RMND5B: variants seen among roughly 807,000 people sequenced by gnomAD.
RMND5B encodes required for meiotic nuclear division 5 homolog B.
RMND5B carries 42 observed loss-of-function variants against 50.4 expected under a neutral mutation model. That is an observed-to-expected ratio of 0.83 (90% confidence interval 0.65 to 1.08). RMND5B has a LOEUF of 1.08. RMND5B is among the 50% of genes least tolerant of loss of function. RMND5B has a pLI of 0.00. For synonymous variants in RMND5B, 220 were observed against 210.0 expected, an observed-to-expected ratio of 1.05 and a Z score of -0.41; for missense variants, 463 against 508.5, an observed-to-expected ratio of 0.91 and a Z score of 0.86.
rs1165782802 is a variant in RMND5B at position 178,137,825 on chromosome 5, C to T, written c.-12-283C>T. Among the ~76,000 whole-genome samples the T allele has an allele frequency of 6.6e-6, 1 of 152,072 alleles. No individual in the cohort carries two copies. The highest frequency in any genetic ancestry group is 1.5e-5 in the Non-Finnish European group (1 of 68,024). ...AAAGGGAGATGAACAAAAATTAAGG[C>T]ATGAAAAGAGTTGAAAATGGAATAA... On this transcript the variant is annotated intron_variant, in intron 2 of 10. Coordinates refer to ENST00000313386, the MANE Select transcript of RMND5B (RefSeq NM_022762.5). The surrounding 1 kb of genome is among the most constrained non-coding windows in gnomAD (Gnocchi z 4.4).
In RMND5B at chr5:178,148,996, C is replaced by A. The variant is rs114191192; in HGVS notation, c.*964C>A. 0.021 allele frequency: 3,242 copies of A among 152,302 alleles called. 39 individuals are homozygous for A. The highest frequency in any genetic ancestry group is 0.061 in the Middle Eastern group (18 of 294). 9.4% of individuals were successfully genotyped at this position (152,302 alleles called of 1,614,324 possible). On this transcript the variant is annotated 3_prime_UTR_variant, in exon 11 of 11. Transcript: ENST00000313386. Reference sequence around the variant, plus strand: ...GGCCTCTGACAGCAGGAAGGGGCCCCAAGTCTAAAATACTTGAAGGGATTG... The same window carrying A: ...GGCCTCTGACAGCAGGAAGGGGCCCAAAGTCTAAAATACTTGAAGGGATTG...
rs761774995 is a variant in RMND5B, at chr5:178,147,736, T to A, written c.971T>A (p.Ile324Asn). 6.2e-7 allele frequency: 1 copy of A among 1,614,144 alleles called. No individual in the cohort carries two copies. Among genetic ancestry groups the A allele is most frequent in the Middle Eastern group, 1.6e-4 (1 of 6,062 alleles). Reference protein sequence around the residue: ...WNHKDELPIEIELGMKCWYHS... With the variant: ...WNHKDELPIENELGMKCWYHS... The stretch of plus-strand genomic sequence containing the variant: ...CTTCGCTGCCCTTCCCAGATTGAGA[T>A]TGAACTAGGCATGAAGTGCTGGTAC... The change falls in exon 10 of 11, where the codon ATT becomes AAT. Residue 324 changes from isoleucine (I) to asparagine (N), a missense_variant. Physicochemically the swap from Ile to Asn is moderately radical, Grantham distance 149. Transcript: ENST00000313386.
rs58710080 is a variant in RMND5B, at chr5:178,132,789, CAAAAA to C, written c.-13+1433_-13+1437del. 1.8e-4 allele frequency among the ~76,000 whole-genome samples: 7 copies of C among 38,900 alleles called. No individual in the cohort carries two copies. In the East Asian group the frequency reaches 4.3e-3, roughly 24 times the overall value. The allele number at this position is 38,900 out of a possible 152,430, so 25.5% of individuals were successfully genotyped here. A position where few individuals can be genotyped will look rare whatever the true frequency, so the allele number is the denominator to read the frequency against. On this transcript the variant is annotated intron_variant, in intron 2 of 10. Transcript: ENST00000313386. ...TATTAACTGAAGAGACCCTGCCTCA[CAAAAA>C]AAAAAAAAAAAAAAAAAAAGCGTTA... is the stretch of plus-strand genomic sequence containing the variant.
In RMND5B at chr5:178,147,866, G is replaced by A. The variant is rs1756117232; in HGVS notation, c.1101G>A (p.Lys367=). ...GHVISRDALN[K]LINGGKLKCP... ...TTATCTCCCGAGATGCACTCAATAA[G>A]CTCATTAATGGAGGAAAGTAAGTTC... Residue 367 remains lysine (K), a synonymous_variant, in exon 10 of 11, where the codon AAG becomes AAA. Transcript: ENST00000313386. 6.2e-7 allele frequency: 1 copy of A among 1,614,062 alleles called. No individual in the cohort carries two copies. Among genetic ancestry groups the A allele is most frequent in the Non-Finnish European group, 8.5e-7 (1 of 1,180,036 alleles).
chr5:178,132,978 C>A (rs1233977632), intron 2 of RMND5B, among the ~76,000 whole-genome samples: 1 of 151,808 alleles, frequency 6.6e-6, no homozygotes, highest in Non-Finnish European at 1.5e-5. Context: ...AATTCTCCTG[C>A]CTCAGCCTCC....
At chr5:178,140,224 A>C (rs1758845265) in intron 3 of RMND5B, among the ~76,000 whole-genome samples, 1 of 152,178 alleles carries the variant, frequency 6.6e-6, no homozygotes, top group Non-Finnish European at 1.5e-5. Flanking sequence ...CCCAGGCTGC[A>C]GTGCAGTGGC....
In RMND5B at chr5:178,150,503, C is replaced by T; in HGVS notation, c.*2471C>T. On this transcript the variant is annotated 3_prime_UTR_variant, in exon 11 of 11. Transcript: ENST00000313386. ...TCAAGTGATCTCCTGCTTTAGCCTCCCAAGTGGCTGGGACTACAGGCATGT... is the reference window on the plus strand; with the variant it reads ...TCAAGTGATCTCCTGCTTTAGCCTCTCAAGTGGCTGGGACTACAGGCATGT... 2.7e-6 allele frequency: 1 copy of T among 363,822 alleles called. No homozygotes were observed. The highest frequency in any genetic ancestry group is 2.1e-5 in the South Asian group (1 of 47,408). 22.5% of individuals were successfully genotyped at this position (363,822 alleles called of 1,614,324 possible).
At chr5:178,134,002 C>T (rs1758477640) in intron 2 of RMND5B, among the ~76,000 whole-genome samples, 1 of 152,132 alleles carries the variant, frequency 6.6e-6, no homozygotes, top group African/African-American at 2.4e-5. Context: ...CGTGAGCCAC[C>T]GCGCCCTGCC....
At chr5:178,145,014 T>C (rs1479550860) in intron 7 of RMND5B, among the ~76,000 whole-genome samples, 2 of 152,232 alleles carry the variant, frequency 1.3e-5, no homozygotes, top group Non-Finnish European at 2.9e-5. Flanking sequence ...ATTTTAAATT[T>C]TATCTCAAAA....
chr5:178,137,975 A>G lies in RMND5B; in HGVS notation c.-12-133A>G, dbSNP rs1758704342. The stretch of plus-strand genomic sequence containing the variant: ...TACCAAAACATAGGTACATATATAC[A>G]TATATGTACAAAACATATAACATTG... On this transcript the variant is annotated intron_variant, in intron 2 of 10. Coordinates refer to ENST00000313386, the MANE Select transcript of RMND5B (RefSeq NM_022762.5). This position sits in a 1 kb window ranked among gnomAD's most constrained non-coding sequence, Gnocchi z 4.4. 12 of 805,200 alleles carry G rather than the reference A, an allele frequency of 1.5e-5. No homozygotes were observed. The highest frequency in any genetic ancestry group is 2.1e-5 in the Non-Finnish European group (11 of 519,158). 49.9% of individuals were successfully genotyped at this position (805,200 alleles called of 1,614,324 possible).
intron 2 of RMND5B, among the ~76,000 whole-genome samples, chr5:178,134,181 G>A (rs1041111920): frequency 1.3e-5 from 2 of 152,160 alleles, no homozygotes; most frequent in Non-Finnish European, 2.9e-5. Flanking sequence ...GGACTCGATG[G>A]GTGTGGTGTG....
Position 178,149,891 on chromosome 5 carries a change from C to T in RMND5B, c.*1859C>T. On this transcript the variant is annotated 3_prime_UTR_variant, in exon 11 of 11. Transcript: ENST00000313386. ...GAAAAAAGCTGTACAACCTGTATGC[C>T]AGGAAGTCACCAACTGATGACCCAC... 9 of 1,599,276 alleles carry T rather than the reference C, an allele frequency of 5.6e-6. No homozygotes were observed. Among genetic ancestry groups the T allele is most frequent in the African/African-American group, 1.3e-5 (1 of 74,804 alleles).
At chr5:178,132,742 T>TA (rs35340385) in intron 2 of RMND5B, among the ~76,000 whole-genome samples, 3 of 8,732 alleles carry the variant, frequency 3.4e-4, no homozygotes, top group African/African-American at 1.0e-3. Flanking sequence ...TCTCTCTTTT[T>TA]TTTTTTTTTT....
At position 178,149,086 on chromosome 5, in the gene RMND5B, A is replaced by G. The variant is rs144150378; in HGVS notation, c.*1054A>G. ...GAATGCATTTTAGCTTCATATTCCTATTTAAAATGTGCTGTGTGGGTGGGT... is the reference window on the plus strand; with the variant it reads ...GAATGCATTTTAGCTTCATATTCCTGTTTAAAATGTGCTGTGTGGGTGGGT... On this transcript the variant is annotated 3_prime_UTR_variant, in exon 11 of 11. Transcript: ENST00000313386. 1 of 152,632 alleles carries G rather than the reference A, an allele frequency of 6.6e-6. No individual in the cohort carries two copies. The highest frequency in any genetic ancestry group is 2.4e-5 in the African/African-American group (1 of 41,576). The allele number at this position is 152,632 out of a possible 1,614,324, so 9.5% of individuals were successfully genotyped here.
chr5:178,135,017 G>A (rs1225659700), intron 2 of RMND5B, among the ~76,000 whole-genome samples: 1 of 151,600 alleles, frequency 6.6e-6, no homozygotes. Context: ...ACACTCCTCA[G>A]TTCATGATAC....
chr5:178,135,663 T>C (rs1490588183), intron 2 of RMND5B, among the ~76,000 whole-genome samples: 2 of 152,202 alleles, frequency 1.3e-5, no homozygotes, highest in Non-Finnish European at 2.9e-5. Flanking sequence ...ACCCATCTCC[T>C]TCCTCAGCTT....
Position 178,150,160 on chromosome 5 carries a change from A to T in RMND5B, c.*2128A>T. 1 of 278,892 alleles carries T rather than the reference A, an allele frequency of 3.6e-6. No homozygotes were observed. The highest frequency in any genetic ancestry group is 6.9e-6 in the Non-Finnish European group (1 of 144,380). The allele number at this position is 278,892 out of a possible 1,614,324, so 17.3% of individuals were successfully genotyped here. On this transcript the variant is annotated 3_prime_UTR_variant, in exon 11 of 11. Transcript: ENST00000313386. ...TGTTACGTAAGATAAGGACAGCTACAGGTCCCTCTGAGCCTAAACCCACCT... is the reference window on the plus strand; with the variant it reads ...TGTTACGTAAGATAAGGACAGCTACTGGTCCCTCTGAGCCTAAACCCACCT...
intron 2 of RMND5B, among the ~76,000 whole-genome samples, chr5:178,131,683 G>A (rs1758317354): frequency 1.3e-5 from 2 of 152,116 alleles, no homozygotes; most frequent in Non-Finnish European, 2.9e-5. Flanking sequence ...CTCTGAGGAC[G>A]GGACATTTGC....
chr5:178,146,166 G>A lies in RMND5B; in HGVS notation c.747G>A (p.Lys249=). Residue 249 remains lysine (K), a synonymous_variant, in exon 8 of 11, where the codon AAG becomes AAA. Transcript: ENST00000313386. ...SLVYLRLGLE[K]SPYCHLLDSS... ...TGTACCTGCGGCTGGGCTTGGAGAA[G>A]TCACCCTACTGCCACCTGCTGGACA... The A allele has an allele frequency of 3.1e-6, 5 of 1,614,184 alleles. No homozygotes were observed. The highest frequency in any genetic ancestry group is 4.2e-6 in the Non-Finnish European group (5 of 1,180,032).
Sources: allele counts gnomAD v4.1 joint callset (sites outside exome capture counted in the v4.1 genomes callset), GRCh38; gene constraint gnomAD v4.1.1; non-coding constraint Gnocchi (gnomAD v3.1); transcripts MANE v1.5; gene names NCBI Gene and HGNC (gene_info 2026-07-23, HGNC 2026-07-21).